UBE2F: variants seen among roughly 807,000 people sequenced by gnomAD.
UBE2F encodes NEDD8-conjugating enzyme UBE2F.
Under a neutral mutation model 29.6 loss-of-function variants are expected in UBE2F, and 5 were observed. That is an observed-to-expected ratio of 0.17 (90% CI 0.09 to 0.36). The LOEUF (loss-of-function observed/expected upper bound fraction) is 0.36. Among genes scored for constraint, UBE2F ranks in the 10% least tolerant of loss-of-function variants. UBE2F has a pLI of 1.00. For synonymous variants in UBE2F, 66 were observed against 81.8 expected, an observed-to-expected ratio of 0.81 and a Z score of 1.04; for missense variants, 141 against 228.5, an observed-to-expected ratio of 0.62 and a Z score of 2.47.
intron 6 of UBE2F, among the ~76,000 whole-genome samples, chr2:238,029,453 C>T (rs956252468): frequency 6.6e-6 from 1 of 151,916 alleles, no homozygotes; most frequent in Non-Finnish European, 1.5e-5. Flanking sequence ...ATTAGCCGGG[C>T]GTAGGTGGTG....
At chr2:238,018,763 C>T (rs1422200342) in intron 5 of UBE2F, among the ~76,000 whole-genome samples, 2 of 152,172 alleles carry the variant, frequency 1.3e-5, no homozygotes, top group African/African-American at 4.8e-5. Flanking sequence ...AAGTTAAAAA[C>T]ATTAGCTTTG....
In UBE2F at chr2:237,967,236, T is replaced by G; in HGVS notation, c.-17+104T>G. The G allele has an allele frequency of 2.5e-6, 2 of 792,564 alleles. No individual in the cohort carries two copies. Among genetic ancestry groups the G allele is most frequent in the Non-Finnish European group, 3.1e-6 (2 of 655,412 alleles). The allele number at this position is 792,564 out of a possible 1,614,324, so 49.1% of individuals were successfully genotyped here. A position where few individuals can be genotyped will look rare whatever the true frequency, so the allele number is the denominator to read the frequency against. ...GGGCGCGGGCGGTGGCGGGGCCGCC[T>G]CGGGCCCGCCGGGTTCCTCACGCCG... On this transcript the variant is annotated intron_variant, in intron 1 of 9. Transcript: ENST00000272930. This position sits in a 1 kb window ranked among gnomAD's most constrained non-coding sequence, Gnocchi z 6.3.
chr2:238,023,131 C>A (rs752452353), intron 5 of UBE2F, among the ~76,000 whole-genome samples: 11 of 152,116 alleles, frequency 7.2e-5, no homozygotes, highest in Non-Finnish European at 8.8e-5. Flanking sequence ...TTTCTAGGTT[C>A]CTACAAAAAC....
intron 1 of UBE2F, among the ~76,000 whole-genome samples, chr2:237,969,281 C>T (rs950985674): frequency 2.0e-5 from 3 of 151,628 alleles, no homozygotes; most frequent in Admixed American, 6.6e-5. Context: ...GGTATAAAAG[C>T]GTTAAGCGTA....
chr2:237,975,461 A>C (rs544640570), intron 2 of UBE2F, among the ~76,000 whole-genome samples: 1 of 152,296 alleles, frequency 6.6e-6, no homozygotes, highest in Admixed American at 6.5e-5. Context: ...AGGGTTGATT[A>C]GTGTATTCGA....
intron 6 of UBE2F, chr2:238,029,078 C>A (rs543039813): frequency 4.6e-5 from 7 of 152,104 alleles, no homozygotes; most frequent in Non-Finnish European, 1.0e-4. Flanking sequence ...ATGATCATTT[C>A]CATGAGAGTA....
intron 4 of UBE2F, among the ~76,000 whole-genome samples, chr2:238,004,351 G>A (rs896180399): frequency 2.6e-5 from 4 of 151,950 alleles, no homozygotes; most frequent in African/African-American, 7.3e-5. Context: ...CTTAATGACT[G>A]TCTCTTTTTT....
intron 4 of UBE2F, among the ~76,000 whole-genome samples, chr2:237,996,912 T>A (rs2063703316): frequency 1.3e-5 from 2 of 152,234 alleles, no homozygotes; most frequent in Non-Finnish European, 2.9e-5. Flanking sequence ...TTGTACTCAC[T>A]GTTCTATCAG....
chr2:238,010,414 G>A (rs1029672536), intron 4 of UBE2F, among the ~76,000 whole-genome samples: 10 of 152,098 alleles, frequency 6.6e-5, no homozygotes, highest in Admixed American at 3.3e-4. Context: ...CTTGTGATCC[G>A]CCTGCCTTGG....
intron 6 of UBE2F, chr2:238,028,857 C>T (rs2064498802): frequency 6.6e-6 from 1 of 152,128 alleles, no homozygotes; most frequent in Admixed American, 6.5e-5. Context: ...ATCAAAGCCA[C>T]AGCACAATAA....
chr2:238,012,762 G>A (rs564206937), intron 4 of UBE2F, among the ~76,000 whole-genome samples: 8 of 152,252 alleles, frequency 5.3e-5, no homozygotes, highest in South Asian at 2.1e-4. Context: ...ACGTGGAACT[G>A]GTGCCCTAGG....
At chr2:237,974,899 T>C (rs2106325764) in intron 2 of UBE2F, among the ~76,000 whole-genome samples, 1 of 152,142 alleles carries the variant, frequency 6.6e-6, no homozygotes, top group East Asian at 1.9e-4. Flanking sequence ...TCCACCCGCC[T>C]CGGCCTCCCA....
chr2:237,997,198 G>C (rs2063709921), intron 4 of UBE2F, among the ~76,000 whole-genome samples: 1 of 152,114 alleles, frequency 6.6e-6, no homozygotes, highest in East Asian at 1.9e-4. Context: ...GTGCACTCCA[G>C]CCTGAGCGAC....
intron 3 of UBE2F, among the ~76,000 whole-genome samples, chr2:237,993,851 A>G (rs1219792008): frequency 1.3e-5 from 2 of 152,054 alleles, no homozygotes; most frequent in Non-Finnish European, 2.9e-5. Flanking sequence ...GTGGGATGCA[A>G]TCAACTTCCC....
intron 9 of UBE2F, among the ~76,000 whole-genome samples, chr2:238,039,325 G>GCTC: frequency 6.6e-6 from 1 of 152,256 alleles, no homozygotes; most frequent in African/African-American, 2.4e-5. Context: ...AGAGGGCCGG[G>GCTC]TGGTGAGAGA....
intron 2 of UBE2F, among the ~76,000 whole-genome samples, chr2:237,975,942 C>T (rs1286426630): frequency 2.0e-5 from 3 of 152,174 alleles, no homozygotes; most frequent in African/African-American, 7.2e-5. Flanking sequence ...CTGGCCTGTA[C>T]TCTTTTTCTT....
At chr2:237,999,636 T>C (rs899075193) in intron 4 of UBE2F, among the ~76,000 whole-genome samples, 9 of 152,216 alleles carry the variant, frequency 5.9e-5, no homozygotes, top group African/African-American at 2.2e-4. Context: ...CCTTTCTTCA[T>C]TGAATTACCT....
At chr2:238,001,176 G>C (rs2063786042) in intron 4 of UBE2F, among the ~76,000 whole-genome samples, 1 of 151,892 alleles carries the variant, frequency 6.6e-6, no homozygotes, top group Admixed American at 6.6e-5. Flanking sequence ...TGGGATTACA[G>C]GCATGTGCCA....
chr2:237,983,836 G>A (rs1246338205), intron 2 of UBE2F, among the ~76,000 whole-genome samples: 2 of 152,036 alleles, frequency 1.3e-5, no homozygotes, highest in Non-Finnish European at 2.9e-5. Flanking sequence ...CCACATCCCC[G>A]ATGGCTGTCC....
Sources: allele counts gnomAD v4.1 joint callset (sites outside exome capture counted in the v4.1 genomes callset), GRCh38; gene constraint gnomAD v4.1.1; non-coding constraint Gnocchi (gnomAD v3.1); transcripts MANE v1.5; gene names NCBI Gene and HGNC (gene_info 2026-07-23, HGNC 2026-07-21).